CFAP74: variants seen among roughly 807,000 people sequenced by gnomAD.
CFAP74 encodes the protein cilia- and flagella-associated protein 74.
In CFAP74, 124 loss-of-function variants were observed where a neutral mutation model predicts 188.9. The ratio of observed to expected loss-of-function variants is 0.66; its 90% CI spans 0.57 to 0.76. The LOEUF is 0.76. CFAP74 is among the 30% of genes least tolerant of loss of function. CFAP74 has a pLI of 0.00. For missense variants in CFAP74, 2,198 were observed against 2,165.2 expected, an observed-to-expected ratio of 1.02 and a Z score of -0.30; for synonymous variants, 956 against 916.7, an observed-to-expected ratio of 1.04 and a Z score of -0.77.
rs558659094 is a variant in CFAP74 at position 1,956,852 on chromosome 1, T to G, written c.1852-68A>C. 9.1e-5 allele frequency: 140 copies of G among 1,532,372 alleles called. 1 individual carries two copies. In the East Asian group the frequency reaches 3.3e-3, roughly 36 times the overall value. 94.9% of individuals were successfully genotyped at this position (1,532,372 alleles called of 1,614,324 possible). ...CCCACAGGGTGCCCAGCGTGAGGCC[T>G]GCACGTGGCTCCAGGCAGGGCTGCC... is the stretch of plus-strand genomic sequence containing the variant. On this transcript the variant is annotated intron_variant, in intron 16 of 38. Coordinates refer to ENST00000682832, the MANE Select transcript of CFAP74 (RefSeq NM_001304360.2).
At chr1:1,981,542 G>A (rs1357994888) in intron 6 of CFAP74, among the ~76,000 whole-genome samples, 7 of 117,370 alleles carry the variant, frequency 6.0e-5, no homozygotes, top group Non-Finnish European at 1.0e-4. Context: ...ACACACAGCC[G>A]CGGACAGACA....
chr1:1,954,195 A>G (rs1654379459), intron 18 of CFAP74: 1 of 152,142 alleles, frequency 6.6e-6, no homozygotes. Context: ...GGGCCGTGTG[A>G]CCTCGTGCTC....
chr1:2,002,074 C>A (rs1658234877), intron 1 of CFAP74, among the ~76,000 whole-genome samples: 1 of 152,132 alleles, frequency 6.6e-6, no homozygotes, highest in African/African-American at 2.4e-5. Flanking sequence ...CGGCAACAGG[C>A]CTGTGTCCTC....
At chr1:1,964,479 G>C (rs1655315907) in intron 13 of CFAP74, among the ~76,000 whole-genome samples, 1 of 152,226 alleles carries the variant, frequency 6.6e-6, no homozygotes, top group Non-Finnish European at 1.5e-5. Context: ...GAAGCCCCCG[G>C]GTTTTCCAGC....
Position 1,942,197 on chromosome 1 carries a change from C to G in CFAP74, c.2487-41G>C. The G allele has an allele frequency of 6.9e-7, 1 of 1,445,058 alleles. No individual in the cohort carries two copies. Among genetic ancestry groups the G allele is most frequent in the Non-Finnish European group, 9.1e-7 (1 of 1,101,006 alleles). 89.5% of individuals were successfully genotyped at this position (1,445,058 alleles called of 1,614,324 possible). A position where few individuals can be genotyped will look rare whatever the true frequency, so the allele number is the denominator to read the frequency against. ...AGGGCACTGGGTCAGGTGCCACAGT[C>G]GTGATTCTGTGTGCGCTCAATGCCT... On this transcript the variant is annotated intron_variant, in intron 21 of 38. Coordinates refer to ENST00000682832, the MANE Select transcript of CFAP74 (RefSeq NM_001304360.2). The surrounding 1 kb of genome is among the most constrained non-coding windows in gnomAD (Gnocchi z 4.3).
intron 5 of CFAP74, 37 bp from the exon 6 acceptor site, chr1:1,985,527 GC>G: frequency 1.3e-6 from 2 of 1,547,026 alleles, no homozygotes; most frequent in South Asian, 1.1e-5. Flanking sequence ...CGTGTGTCAG[GC>G]CTCAGTCATC....
Position 2,000,250 on chromosome 1 carries a change from A to C in CFAP74, c.-20+3451T>G, listed in dbSNP as rs370909694. Among the ~76,000 whole-genome samples the C allele has an allele frequency of 3.3e-5, 5 of 152,386 alleles. No homozygotes were observed. In the South Asian group the frequency reaches 6.2e-4, roughly 19 times the overall value. On this transcript the variant is annotated intron_variant, in intron 1 of 38. Coordinates refer to ENST00000682832, the MANE Select transcript of CFAP74 (RefSeq NM_001304360.2). Reference sequence around the variant, plus strand: ...TTACTGTCAAGACCATGTAAGGAATATCCATGAATGGATAAAGACAGACAG... The same window carrying C: ...TTACTGTCAAGACCATGTAAGGAATCTCCATGAATGGATAAAGACAGACAG...
At position 1,955,711 on chromosome 1, in the gene CFAP74, T is replaced by C; in HGVS notation, c.2156A>G (p.Gln719Arg). The change falls in exon 18 of 39, where the codon CAG becomes CGG. Residue 719 changes from glutamine (Q) to arginine (R), a missense_variant. Coordinates refer to ENST00000682832, the MANE Select transcript of CFAP74 (RefSeq NM_001304360.2). ...RKELEKLDKE[Q>R]EEEQPAEPER... ...CTCACCTGCGGGCTGCTCCTCCTCC[T>C]GCTCCTTGTCCAGCTTCTCCAGCTC... 6.2e-7 allele frequency: 1 copy of C among 1,610,320 alleles called. No individual in the cohort carries two copies. The highest frequency in any genetic ancestry group is 8.5e-7 in the Non-Finnish European group (1 of 1,177,594).
At chr1:1,931,223 A>G (rs1652342043) in intron 25 of CFAP74, among the ~76,000 whole-genome samples, 1 of 151,850 alleles carries the variant, frequency 6.6e-6, no homozygotes, top group Non-Finnish European at 1.5e-5. Flanking sequence ...AGGTCAGGAG[A>G]TCGAGACCAT....
chr1:1,923,606 C>T lies in CFAP74; in HGVS notation c.4390-107G>A. On this transcript the variant is annotated intron_variant, in intron 35 of 38. Transcript: ENST00000682832. The surrounding 1 kb of genome is among the most constrained non-coding windows in gnomAD (Gnocchi z 6.3). ...AAGGAAGCAGGGACGGCCTGGGGGC[C>T]CCGTGGGGCCCTGGACTCTGGTCTT... is the stretch of plus-strand genomic sequence containing the variant. The T allele has an allele frequency of 1.3e-6, 2 of 1,527,552 alleles. No homozygotes were observed. Among genetic ancestry groups the T allele is most frequent in the African/African-American group, 1.4e-5 (1 of 72,460 alleles). The allele number at this position is 1,527,552 out of a possible 1,614,324, so 94.6% of individuals were successfully genotyped here.
chr1:1,926,356 C>A lies in CFAP74; in HGVS notation c.3829-9G>T. 1 of 1,548,832 alleles carries A rather than the reference C, an allele frequency of 6.5e-7. No homozygotes were observed. The highest frequency in any genetic ancestry group is 8.7e-7 in the Non-Finnish European group (1 of 1,146,106). The stretch of plus-strand genomic sequence containing the variant: ...AGCAGGGAGAAGTCCAGCTGAGGGT[C>A]CACGTCAAGGAGGGGATACAGGTGT... On this transcript the variant is annotated splice_polypyrimidine_tract_variant and intron_variant, in intron 31 of 38. Transcript: ENST00000682832.
rs769266713 is a variant in CFAP74, at chr1:1,959,261, TTTTG to T, written c.1762-56_1762-53del. The T allele has an allele frequency of 5.3e-6, 7 of 1,314,242 alleles. No individual in the cohort carries two copies. The African/African-American group carries it at 8.8e-5, about 17-fold the overall frequency. 81.4% of individuals were successfully genotyped at this position (1,314,242 alleles called of 1,614,324 possible). On this transcript the variant is annotated intron_variant, in intron 15 of 38. Coordinates refer to ENST00000682832, the MANE Select transcript of CFAP74 (RefSeq NM_001304360.2). ...AATACACTTCTGCAACTTTTGTGTG[TTTTG>T]TTTTTTTTTTGGACAGGGTCTGGCT...
Position 1,935,112 on chromosome 1 carries a change from T to C in CFAP74, c.3011+3743A>G, listed in dbSNP as rs550392171. 6.1e-5 allele frequency among the ~76,000 whole-genome samples: 5 copies of C among 81,694 alleles called. 1 individual carries two copies. Among genetic ancestry groups the C allele is most frequent in the Non-Finnish European group, 1.3e-4 (5 of 39,054 alleles). The allele number at this position is 81,694 out of a possible 152,430, so 53.6% of individuals were successfully genotyped here. On this transcript the variant is annotated intron_variant, in intron 25 of 38. Transcript: ENST00000682832. ...GTGGGTACACAGGTGTGTACGTGGG[T>C]GTTAGGTTGTAGGTACACACGTGTG...
intron 1 of CFAP74, among the ~76,000 whole-genome samples, chr1:1,991,919 G>T (rs1045227676): frequency 6.6e-6 from 1 of 150,626 alleles, no homozygotes; most frequent in African/African-American, 2.4e-5. Flanking sequence ...AGGCGCCTGC[G>T]GTCCCAGCTA....
chr1:1,990,889 C>G lies in CFAP74; in HGVS notation c.67+1G>C, dbSNP rs781616707. On this transcript the variant is annotated splice_donor_variant, in intron 2 of 38. Transcript: ENST00000682832. LOFTEE classifies it high-confidence loss of function. The stretch of plus-strand genomic sequence containing the variant: ...CGTTACTGTGAAAGAAGCTTTATTA[C>G]CATCTTCCAAAAGAAGGGCATCGGC... 1.2e-6 allele frequency: 2 copies of G among 1,611,318 alleles called. No homozygotes were observed. Among genetic ancestry groups the G allele is most frequent in the South Asian group, 2.2e-5 (2 of 90,266 alleles).
chr1:1,986,589 G>T (rs918566788), intron 5 of CFAP74, among the ~76,000 whole-genome samples: 1 of 152,212 alleles, frequency 6.6e-6, no homozygotes, highest in African/African-American at 2.4e-5. Context: ...CGTTTCCAGC[G>T]TCCCCCAGGC....
intron 14 of CFAP74, among the ~76,000 whole-genome samples, chr1:1,961,967 G>A (rs1655120052): frequency 6.6e-6 from 1 of 152,234 alleles, no homozygotes; most frequent in African/African-American, 2.4e-5. Context: ...CCTCGTGGGA[G>A]AAGAGGAGGC....
At chr1:1,955,324 C>CGCGTCTGGTGT in intron 18 of CFAP74, 1 of 1,310,092 alleles carries the variant, frequency 7.6e-7, no homozygotes, top group Non-Finnish European at 1.0e-6. Context: ...CCCGCTGGTG[C>CGCGTCTGGTGT]GCGTCTAACA....
chr1:1,987,961 A>G, intron 4 of CFAP74: 1 of 364,722 alleles, frequency 2.7e-6, no homozygotes, highest in South Asian at 2.0e-5. Flanking sequence ...GCAGAAGAAC[A>G]TTTGTCTTTC....
Sources: allele counts gnomAD v4.1 joint callset (sites outside exome capture counted in the v4.1 genomes callset), GRCh38; gene constraint gnomAD v4.1.1; non-coding constraint Gnocchi (gnomAD v3.1); transcripts MANE v1.5; gene names NCBI Gene and HGNC (gene_info 2026-07-23, HGNC 2026-07-21).